Variants in ELFN2 observed in about 807,000 individuals in gnomAD.
The protein encoded by ELFN2 is extracellular leucine rich repeat and fibronectin type III domain containing 2.
In ELFN2, 17 loss-of-function variants were observed where a neutral mutation model predicts 45.5. The ratio of observed to expected loss-of-function variants is 0.37; its 90% CI spans 0.26 to 0.56. The LOEUF (loss-of-function observed/expected upper bound fraction) is 0.56, where lower values mean the gene tolerates loss of function less well. Ranked by LOEUF, ELFN2 falls within the 20% of genes least tolerant of loss-of-function variation. ELFN2 has a pLI of 0.77. For missense variants in ELFN2, 922 were observed against 1,183.2 expected (o/e 0.78, Z 3.24); for synonymous variants, 550 against 551.5 (o/e 1.00, Z 0.04).
intron 2 of ELFN2, among the ~76,000 whole-genome samples, chr22:37,381,167 C>T (rs997627231): frequency 6.6e-6 from 1 of 152,078 alleles, no homozygotes; most frequent in Non-Finnish European, 1.5e-5. Flanking sequence ...TGATGTTCCT[C>T]GAATCTTATA....
chr22:37,373,509 G>C lies in ELFN2; in HGVS notation c.2026C>G (p.Arg676Gly). 1.9e-6 allele frequency: 3 copies of C among 1,557,176 alleles called. No individual in the cohort carries two copies. Among genetic ancestry groups the C allele is most frequent in the Non-Finnish European group, 2.6e-6 (3 of 1,153,158 alleles). ...CTGCCCGCCGGCACCAGCGGGAGCC[G>C]GTCCAGCGGGCTGTTGAGGGGGCTG... The part of the protein sequence containing the change: ...KGSPLNSPLD[R>G]LPLVPAGSGG... The change falls in exon 3 of 3, where the codon CGG becomes GGG. Residue 676 changes from arginine to glycine, a missense_variant. Arg to Gly is a moderately radical substitution (Grantham distance 125). Transcript: ENST00000402918.
chr22:37,352,326 A>T (rs1280119540), intron 1 of ELFN2: 1 of 151,066 alleles, frequency 6.6e-6, no homozygotes, highest in Non-Finnish European at 1.5e-5. Context: ...AGGTGACTCC[A>T]GCAGCCTTTG....
At chr22:37,362,933 G>A (rs1304490599) in intron 1 of ELFN2, among the ~76,000 whole-genome samples, 1 of 152,162 alleles carries the variant, frequency 6.6e-6, no homozygotes, top group East Asian at 1.9e-4. Context: ...CATCGTCCCT[G>A]CCCTAGAATG....
At chr22:37,356,542 G>A (rs186628662) in intron 1 of ELFN2, among the ~76,000 whole-genome samples, 1 of 152,334 alleles carries the variant, frequency 6.6e-6, no homozygotes, top group East Asian at 1.9e-4. Context: ...TGAAATGGCT[G>A]TCTACGTTTC....
chr22:37,426,356 G>A (rs28367014), intron 1 of ELFN2, among the ~76,000 whole-genome samples: 40 of 143,668 alleles, frequency 2.8e-4, no homozygotes, highest in East Asian at 1.0e-3. Flanking sequence ...GCGCGCGCGC[G>A]CACACACACA....
At chr22:37,423,398 G>C (rs560158104) in intron 1 of ELFN2, among the ~76,000 whole-genome samples, 1 of 152,296 alleles carries the variant, frequency 6.6e-6, no homozygotes, top group African/African-American at 2.4e-5. Flanking sequence ...CAGTGAGAGG[G>C]GTAGGCCAAG....
intron 2 of ELFN2, among the ~76,000 whole-genome samples, chr22:37,412,610 C>T (rs369073877): frequency 1.6e-4 from 24 of 152,256 alleles, no homozygotes; most frequent in African/African-American, 4.8e-4. Flanking sequence ...CCTCCCACCA[C>T]CGGGCCCTGT....
Position 37,419,716 on chromosome 22 carries a change from C to T in ELFN2, c.-613-1797G>A, listed in dbSNP as rs900257795. Among the ~76,000 whole-genome samples, 4 of 152,326 alleles carry T rather than the reference C, an allele frequency of 2.6e-5. No homozygotes were observed. The East Asian group carries it at 7.7e-4, about 29-fold the overall frequency. ...ATGCCCACACACAGGGAACCACTCCCGGACACACGTGCCAATGCACATGAG... is the reference window on the plus strand; with the variant it reads ...ATGCCCACACACAGGGAACCACTCCTGGACACACGTGCCAATGCACATGAG... On this transcript the variant is annotated intron_variant, in intron 1 of 2. Transcript: ENST00000402918.
At chr22:37,382,433 C>T (rs4821657) in intron 2 of ELFN2, among the ~76,000 whole-genome samples, 105,968 of 151,136 alleles carry the variant, frequency 0.7, 37,226 homozygotes, top group Admixed American at 0.79. Flanking sequence ...TTAGTAGAGA[C>T]GGGGTTTCAC....
chr22:37,382,283 T>C (rs1413112456), intron 2 of ELFN2, among the ~76,000 whole-genome samples: 1 of 125,888 alleles, frequency 7.9e-6, no homozygotes, highest in Non-Finnish European at 1.7e-5. Flanking sequence ...CACCTAAAGC[T>C]ACTGGTTCTC....
chr22:37,359,517 CTTCA>C (rs1369321986), intron 1 of ELFN2, among the ~76,000 whole-genome samples: 2 of 152,346 alleles, frequency 1.3e-5, no homozygotes, highest in South Asian at 4.1e-4. Context: ...TCGCAGCCTC[CTTCA>C]TTCAGCCAAC....
rs543564124 is a variant in ELFN2, at chr22:37,375,041, C to T, written c.494G>A (p.Arg165His). 81 of 1,613,276 alleles carry T rather than the reference C, an allele frequency of 5.0e-5. No individual in the cohort carries two copies. The highest frequency in any genetic ancestry group is 8.3e-5 in the Admixed American group (5 of 60,008). ...GCTGGCAAAGGTGGCACCGTCCAGG[C>T]GGCTGAGGCGGTTGGAGGACAGGTC... ...SIDLSSNRLS[R>H]LDGATFASLA... Residue 165 changes from arginine to histidine, a missense_variant, in exon 3 of 3, where the codon CGC (arginine) becomes CAC (histidine). Physicochemically the swap from Arg to His is conservative, Grantham distance 29 (BLOSUM62 0). Coordinates refer to ENST00000402918, the MANE Select transcript of ELFN2 (RefSeq NM_052906.5).
At chr22:37,360,181 G>T (rs1931049927) in intron 1 of ELFN2, among the ~76,000 whole-genome samples, 1 of 152,136 alleles carries the variant, frequency 6.6e-6, no homozygotes, top group Non-Finnish European at 1.5e-5. Context: ...CACACTCCCT[G>T]GTGGTCAGTC....
intron 2 of ELFN2, among the ~76,000 whole-genome samples, chr22:37,389,802 C>T (rs1932046035): frequency 6.6e-6 from 1 of 152,178 alleles, no homozygotes; most frequent in South Asian, 2.1e-4. Flanking sequence ...TTCCTGTCTG[C>T]GCCCCTCCCC....
At chr22:37,412,139 G>A (rs986000154) in intron 2 of ELFN2, among the ~76,000 whole-genome samples, 5 of 151,988 alleles carry the variant, frequency 3.3e-5, no homozygotes, top group African/African-American at 4.8e-5. Flanking sequence ...GAGGTCAGGA[G>A]TTCGAGACCA....
intron 2 of ELFN2, among the ~76,000 whole-genome samples, chr22:37,341,772 T>G (rs1930565375): frequency 1.3e-5 from 2 of 152,226 alleles, no homozygotes; most frequent in African/African-American, 4.8e-5. Context: ...GTTGGTGAAC[T>G]CAAACCCCTG....
At position 37,369,200 on chromosome 22, in the gene ELFN2, G is replaced by C. The variant is rs762059709; in HGVS notation, c.*3872C>G. 2.0e-5 allele frequency: 3 copies of C among 151,988 alleles called. No homozygotes were observed. The highest frequency in any genetic ancestry group is 7.3e-5 in the African/African-American group (3 of 41,304). The allele number at this position is 151,988 out of a possible 1,614,324, so 9.4% of individuals were successfully genotyped here. A position where few individuals can be genotyped will look rare whatever the true frequency, so the allele number is the denominator to read the frequency against. On this transcript the variant is annotated 3_prime_UTR_variant, in exon 3 of 3. Coordinates refer to ENST00000402918, the MANE Select transcript of ELFN2 (RefSeq NM_052906.5). ...CCGTCTCTGCACTTCTGTTCACCCCGCTGTTACATTTCCAGGAGGGAGTGG... is the reference window on the plus strand; with the variant it reads ...CCGTCTCTGCACTTCTGTTCACCCCCCTGTTACATTTCCAGGAGGGAGTGG...
At chr22:37,415,842 G>A (rs1419628613) in intron 2 of ELFN2, among the ~76,000 whole-genome samples, 1 of 152,180 alleles carries the variant, frequency 6.6e-6, no homozygotes, top group Non-Finnish European at 1.5e-5. Context: ...CGCGCCTATA[G>A]TCCCAGCTAC....
intron 2 of ELFN2, among the ~76,000 whole-genome samples, chr22:37,379,123 G>A (rs900095813): frequency 2.0e-5 from 3 of 152,328 alleles, no homozygotes; most frequent in East Asian, 1.9e-4. Flanking sequence ...CAAGACAGCC[G>A]AGCAGACAGA....
Sources: allele counts gnomAD v4.1 joint callset (sites outside exome capture counted in the v4.1 genomes callset), GRCh38; gene constraint gnomAD v4.1.1; transcripts MANE v1.5; gene names NCBI Gene and HGNC (gene_info 2026-07-23, HGNC 2026-07-21).